The following EXOC6 variants were observed in gnomAD, a reference collection of about 807,000 sequenced individuals.
The protein encoded by EXOC6 is SEC15-like 1.
Under a neutral mutation model 112.5 loss-of-function variants are expected in EXOC6, and 60 were observed. The observed-to-expected ratio is 0.53, with a 90% CI of 0.43 to 0.66. EXOC6 has a LOEUF of 0.66. EXOC6 is among the 30% of genes least tolerant of loss of function. The pLI is 0.00. For synonymous variants in EXOC6, 295 were observed against 308.0 expected (o/e 0.96, Z 0.44); for missense variants, 855 against 957.1 (o/e 0.89, Z 1.41).
At chr10:92,930,504 A>AAATAATAATAATAATAATAAT (rs10638557) in intron 9 of EXOC6, among the ~76,000 whole-genome samples, 8 of 149,264 alleles carry the variant, frequency 5.4e-5, no homozygotes, top group Non-Finnish European at 7.4e-5. Flanking sequence ...ACTCTGTCTC[A>AAATAATAATAATAATAATAAT]AATAATAATA....
intron 5 of EXOC6, among the ~76,000 whole-genome samples, chr10:92,902,158 G>A (rs950128228): frequency 3.3e-5 from 5 of 151,864 alleles, no homozygotes; most frequent in African/African-American, 9.7e-5. Flanking sequence ...CATTCTCTTT[G>A]TCCTCTGTGG....
In EXOC6 at chr10:92,919,980, A is replaced by G; in HGVS notation, c.820-2A>G. 1 of 1,585,502 alleles carries G rather than the reference A, an allele frequency of 6.3e-7. No individual in the cohort carries two copies. Among genetic ancestry groups the G allele is most frequent in the Non-Finnish European group, 8.6e-7 (1 of 1,165,946 alleles). ...TTTTTTTAAAAATGGTTTAATTTTC[A>G]GATCTTAACTGTTCAGGATCTTGTT... On this transcript the variant is annotated splice_acceptor_variant, in intron 7 of 21. Transcript: ENST00000260762. LOFTEE classifies it high-confidence loss of function.
intron 17 of EXOC6, among the ~76,000 whole-genome samples, chr10:92,972,867 G>A (rs758015266): frequency 2.6e-5 from 4 of 152,160 alleles, no homozygotes; most frequent in Non-Finnish European, 2.9e-5. Flanking sequence ...GCCTTCTTAG[G>A]TCTTTCCCAA....
At chr10:92,970,268 C>T (rs1225898203) in intron 17 of EXOC6, among the ~76,000 whole-genome samples, 4 of 152,194 alleles carry the variant, frequency 2.6e-5, no homozygotes, top group Non-Finnish European at 5.9e-5. Context: ...TGCATCTGTA[C>T]TGAACATGTA....
At chr10:92,891,815 A>G (rs1475103460) in intron 1 of EXOC6, among the ~76,000 whole-genome samples, 5 of 152,268 alleles carry the variant, frequency 3.3e-5, no homozygotes, top group African/African-American at 1.2e-4. Flanking sequence ...TTGGTATCCT[A>G]TATTGTTACC....
At chr10:92,925,780 C>T (rs1851679882) in intron 8 of EXOC6, among the ~76,000 whole-genome samples, 1 of 152,046 alleles carries the variant, frequency 6.6e-6, no homozygotes, top group Non-Finnish European at 1.5e-5. Flanking sequence ...CTGCCTCAGC[C>T]TCCTGAGTAG....
upstream of EXOC6, chr10:92,834,706 T>G: frequency 1.9e-6 from 3 of 1,561,944 alleles, no homozygotes; most frequent in South Asian, 3.5e-5. Flanking sequence ...ATATCTGACA[T>G]CTGCAGCTGG....
At chr10:93,011,520 CA>C (rs1019486050) in intron 19 of EXOC6, among the ~76,000 whole-genome samples, 21 of 151,986 alleles carry the variant, frequency 1.4e-4, no homozygotes, top group African/African-American at 5.1e-4. Flanking sequence ...CTTGGCTTCC[CA>C]AAATACTAGG....
At chr10:92,871,059 G>A (rs540531275) in intron 1 of EXOC6, among the ~76,000 whole-genome samples, 46 of 152,160 alleles carry the variant, frequency 3.0e-4, no homozygotes, top group Admixed American at 7.9e-4. Context: ...GAAAATCAAT[G>A]GATCTGGTGC....
At chr10:92,970,187 A>G (rs754081523) in intron 17 of EXOC6, among the ~76,000 whole-genome samples, 8 of 152,158 alleles carry the variant, frequency 5.3e-5, no homozygotes, top group Admixed American at 6.5e-5. Context: ...CCTTCATTCC[A>G]TATCTCTGGG....
chr10:92,936,864 T>G (rs964357855), intron 12 of EXOC6, among the ~76,000 whole-genome samples: 2 of 152,132 alleles, frequency 1.3e-5, no homozygotes, highest in African/African-American at 4.8e-5. Context: ...GTTTATAACC[T>G]CTGCGATATT....
intron 17 of EXOC6, among the ~76,000 whole-genome samples, chr10:92,966,084 AT>A (rs993605831): frequency 1.3e-5 from 2 of 152,116 alleles, no homozygotes; most frequent in Non-Finnish European, 2.9e-5. Flanking sequence ...TAACTTAGAT[AT>A]TTTATGGGAA....
intron 20 of EXOC6, among the ~76,000 whole-genome samples, chr10:93,038,228 A>C (rs1845605999): frequency 1.3e-5 from 2 of 152,066 alleles, no homozygotes; most frequent in Admixed American, 1.3e-4. Context: ...TATTATAACC[A>C]CAATTCCTAT....
Position 92,974,242 on chromosome 10 carries a change from A to T in EXOC6, c.1953+10A>T. 2 of 1,513,094 alleles carry T rather than the reference A, an allele frequency of 1.3e-6. No individual in the cohort carries two copies. Among genetic ancestry groups the T allele is most frequent in the Non-Finnish European group, 1.8e-6 (2 of 1,136,818 alleles). The allele number at this position is 1,513,094 out of a possible 1,614,324, so 93.7% of individuals were successfully genotyped here. Reference sequence around the variant, plus strand: ...GTTTACTCATTTGCCTGTAAGTATAAAAATTTTCAAAAATTGTTTTATGTT... The same window carrying T: ...GTTTACTCATTTGCCTGTAAGTATATAAATTTTCAAAAATTGTTTTATGTT... On this transcript the variant is annotated intron_variant, in intron 18 of 21. Coordinates refer to ENST00000260762, the MANE Select transcript of EXOC6 (RefSeq NM_019053.6).
chr10:93,058,233 A>G lies in EXOC6; in HGVS notation c.2293A>G (p.Thr765Ala), dbSNP rs201331363. The change falls in exon 22 of 22, where the codon ACT (threonine) becomes GCT (alanine). Residue 765 changes from threonine to alanine, a missense_variant. By Grantham distance (58) the Thr-to-Ala change is moderately conservative. This residue lies in a region of EXOC6 where 450 missense variants were observed against 563.5 expected (regional missense o/e 0.80). Transcript: ENST00000260762. ...ALTLLEKMKDTSKKNNIFAQF... is the reference protein window; with the variant it reads ...ALTLLEKMKDASKKNNIFAQF... ...CACATATGTTTCTAGGATGAAGGAT[A>G]CTAGCAAAAAGAACAATATATTTGC... 1.9e-5 allele frequency: 31 copies of G among 1,604,230 alleles called. No homozygotes were observed. In the East Asian group the frequency reaches 5.6e-4, roughly 29 times the overall value.
At chr10:92,858,023 C>CCCCA (rs1397865776) in intron 1 of EXOC6, among the ~76,000 whole-genome samples, 1 of 84,082 alleles carries the variant, frequency 1.2e-5, no homozygotes, top group Non-Finnish European at 2.5e-5. Flanking sequence ...TTGACGGGTT[C>CCCCA]CCCCCCTCCG....
At chr10:92,867,685 T>C (rs540888837) in intron 1 of EXOC6, among the ~76,000 whole-genome samples, 1 of 152,260 alleles carries the variant, frequency 6.6e-6, no homozygotes, top group East Asian at 1.9e-4. Context: ...ATTTAACTTA[T>C]TAAGAGGGAA....
intron 20 of EXOC6, among the ~76,000 whole-genome samples, chr10:93,039,084 C>CA (rs1249149905): frequency 1.3e-5 from 2 of 152,012 alleles, no homozygotes; most frequent in Admixed American, 6.5e-5. Flanking sequence ...TTTGGGAGAC[C>CA]AAAAGGTCAA....
chr10:92,977,119 T>C (rs1842653411), intron 18 of EXOC6, among the ~76,000 whole-genome samples: 1 of 152,154 alleles, frequency 6.6e-6, no homozygotes, highest in African/African-American at 2.4e-5. Flanking sequence ...TTATTTTGTG[T>C]GAAAAATCAG....
Sources: gnomAD v4.1 joint callset for allele counts (sites outside exome capture counted in the v4.1 genomes callset) on GRCh38, gnomAD v4.1.1 for gene constraint, gnomAD v4.1.1 regional missense constraint, MANE v1.5 for transcripts, NCBI Gene and HGNC (gene_info 2026-07-23, HGNC 2026-07-21) for gene names.